Variants in ABTB3 observed in about 807,000 individuals in gnomAD.
ABTB3 encodes the protein ankyrin repeat and BTB domain containing 3, also known as ankyrin repeat- and BTB/POZ domain-containing protein 3.
the ABTB3 span, among the ~76,000 whole-genome samples, chr12:107,365,587 G>T: frequency 9.2e-5 from 14 of 152,292 alleles, no homozygotes; most frequent in South Asian, 2.9e-3. Flanking sequence ...ACCAATGTGG[G>T]TATGTAGGGG....
At chr12:107,513,174 C>T in the ABTB3 span, among the ~76,000 whole-genome samples, 1 of 152,186 alleles carries the variant, frequency 6.6e-6, no homozygotes, top group East Asian at 1.9e-4. Flanking sequence ...GTTGGCTGTT[C>T]TCCTCCTTCT....
the ABTB3 span, among the ~76,000 whole-genome samples, chr12:107,576,758 C>T: frequency 6.6e-6 from 1 of 152,194 alleles, no homozygotes; most frequent in Non-Finnish European, 1.5e-5. Context: ...TCCATACCTA[C>T]TCCGCACTCT....
At chr12:107,369,261 C>G in the ABTB3 span, among the ~76,000 whole-genome samples, 1 of 152,044 alleles carries the variant, frequency 6.6e-6, no homozygotes, top group South Asian at 2.1e-4. Flanking sequence ...CACTTAGAGT[C>G]TACTTTCATA....
the ABTB3 span, chr12:107,634,899 T>G: frequency 6.4e-6 from 1 of 157,122 alleles, no homozygotes; most frequent in Non-Finnish European, 1.4e-5. Context: ...ATAATTCTCC[T>G]GAAATCCTGC....
chr12:107,553,707 G>A, the ABTB3 span, among the ~76,000 whole-genome samples: 3 of 152,208 alleles, frequency 2.0e-5, no homozygotes, highest in African/African-American at 7.2e-5. Flanking sequence ...GGGAGGCCAA[G>A]GCAGGCAGAT....
At chr12:107,385,783 G>A in the ABTB3 span, among the ~76,000 whole-genome samples, 1 of 152,202 alleles carries the variant, frequency 6.6e-6, no homozygotes, top group African/African-American at 2.4e-5. Context: ...AGTCTTATGA[G>A]AATGGGCGTT....
chr12:107,403,196 A>G, the ABTB3 span, among the ~76,000 whole-genome samples: 1 of 152,144 alleles, frequency 6.6e-6, no homozygotes, highest in African/African-American at 2.4e-5. Context: ...GGCCCCATTT[A>G]CTTCCGTTTG....
At chr12:107,321,490 T>C in the ABTB3 span, among the ~76,000 whole-genome samples, 4 of 151,340 alleles carry the variant, frequency 2.6e-5, no homozygotes, top group East Asian at 7.8e-4. Flanking sequence ...TTGTGTGTGT[T>C]GGGGAGGGGA....
the ABTB3 span, among the ~76,000 whole-genome samples, chr12:107,601,492 T>G: frequency 6.6e-5 from 10 of 152,232 alleles, no homozygotes; most frequent in African/African-American, 2.4e-4. Context: ...TGCTCGGGCC[T>G]TTTGTGGTAC....
chr12:107,642,175 A>G, the ABTB3 span: 2 of 1,613,704 alleles, frequency 1.2e-6, no homozygotes, highest in Non-Finnish European at 1.7e-6. Context: ...CTTTCAGGTG[A>G]GCCCCTGGTG....
the ABTB3 span, among the ~76,000 whole-genome samples, chr12:107,488,890 A>C: frequency 6.6e-6 from 1 of 151,536 alleles, no homozygotes; most frequent in Non-Finnish European, 1.5e-5. Context: ...GGCCTGAGTC[A>C]GGATGAATTT....
At chr12:107,531,386 G>T in the ABTB3 span, among the ~76,000 whole-genome samples, 2 of 152,144 alleles carry the variant, frequency 1.3e-5, no homozygotes, top group African/African-American at 4.8e-5. Flanking sequence ...CACAGCGTCC[G>T]ATACAGCTTT....
chr12:107,354,516 C>G, the ABTB3 span, among the ~76,000 whole-genome samples: 1 of 152,200 alleles, frequency 6.6e-6, no homozygotes, highest in South Asian at 2.1e-4. Context: ...TCTTTTGTGT[C>G]TGGCTTCTTT....
At chr12:107,536,964 G>A in the ABTB3 span, among the ~76,000 whole-genome samples, 38,778 of 152,048 alleles carry the variant, frequency 0.26, 5,244 homozygotes, top group Admixed American at 0.35. Flanking sequence ...AAACCAAGAT[G>A]TGGATCAACC....
the ABTB3 span, among the ~76,000 whole-genome samples, chr12:107,645,633 C>T: frequency 1.0e-3 from 154 of 152,340 alleles, no homozygotes; most frequent in African/African-American, 3.6e-3. Flanking sequence ...CGTGTTCCCC[C>T]AGTGCTCATG....
At chr12:107,452,177 G>A in the ABTB3 span, among the ~76,000 whole-genome samples, 1 of 150,400 alleles carries the variant, frequency 6.6e-6, no homozygotes, top group African/African-American at 2.4e-5. Flanking sequence ...GACCCAGACA[G>A]ATGAAAAGAT....
the ABTB3 span, among the ~76,000 whole-genome samples, chr12:107,472,928 A>C: frequency 6.6e-6 from 1 of 152,110 alleles, no homozygotes; most frequent in African/African-American, 2.4e-5. Context: ...CTCCCTCAGC[A>C]CCATCATCAG....
chr12:107,538,361 G>A, the ABTB3 span, among the ~76,000 whole-genome samples: 1 of 152,212 alleles, frequency 6.6e-6, no homozygotes, highest in Non-Finnish European at 1.5e-5. Flanking sequence ...GCCCCATTGG[G>A]TCATGTGGCA....
the ABTB3 span, among the ~76,000 whole-genome samples, chr12:107,569,298 AG>A: frequency 6.6e-6 from 1 of 152,208 alleles, no homozygotes; most frequent in Non-Finnish European, 1.5e-5. Flanking sequence ...GTTAATTTTA[AG>A]TTTAAAATGT....
Sources: allele counts gnomAD v4.1 joint callset (sites outside exome capture counted in the v4.1 genomes callset), GRCh38; gene constraint gnomAD v4.1.1; transcripts MANE v1.5; gene names NCBI Gene and HGNC (gene_info 2026-07-23, HGNC 2026-07-21).